The following COL6A3 variants were observed in gnomAD, a reference collection of about 807,000 sequenced individuals.
The protein encoded by COL6A3 is collagen alpha-3(VI) chain.
A neutral mutation model predicts 274.1 loss-of-function variants in COL6A3; 137 were observed. The observed-to-expected ratio is 0.50, with a 90% CI of 0.44 to 0.58. The LOEUF (loss-of-function observed/expected upper bound fraction) is 0.58, where lower values mean the gene tolerates loss of function less well. COL6A3 is among the 20% of genes least tolerant of loss of function. The pLI, the probability that COL6A3 is intolerant of heterozygous loss-of-function variation, is 0.00. For synonymous variants in COL6A3, 1,650 were observed against 1,650.6 expected, an observed-to-expected ratio of 1.00 and a Z score of 0.01; for missense variants, 3,950 against 4,124.9, an observed-to-expected ratio of 0.96 and a Z score of 1.16.
Position 237,365,724 on chromosome 2 carries a change from T to G in COL6A3, c.5812A>C (p.Arg1938=). The change falls in exon 12 of 44, where the codon AGA becomes CGA. Residue 1938 remains arginine, a synonymous_variant. Transcript: ENST00000295550. The part of the protein sequence containing the change: ...DTLKVYLNKF[R]QSSPDSVKVV... Reference sequence around the variant, plus strand: ...TTCACGCTGTCCGGCGAGGACTGTCTGAACTTGTTCAGGTAGACCTTCAGG... The same window carrying G: ...TTCACGCTGTCCGGCGAGGACTGTCGGAACTTGTTCAGGTAGACCTTCAGG... The G allele has an allele frequency of 6.2e-7, 1 of 1,614,208 alleles. No individual in the cohort carries two copies. Among genetic ancestry groups the G allele is most frequent in the South Asian group, 1.1e-5 (1 of 91,084 alleles).
chr2:237,373,811 T>C (rs2077759351), intron 8 of COL6A3, among the ~76,000 whole-genome samples: 1 of 152,202 alleles, frequency 6.6e-6, no homozygotes, highest in African/African-American at 2.4e-5. Flanking sequence ...CACCATTTTT[T>C]AGTTTATTGT....
intron 12 of COL6A3, among the ~76,000 whole-genome samples, 159 bp downstream of exon 12, chr2:237,365,539 C>G (rs1180506974): frequency 1.3e-5 from 2 of 152,192 alleles, no homozygotes; most frequent in East Asian, 3.8e-4. Context: ...GAAGACAGTA[C>G]ATGACATTAG....
At chr2:237,362,178 C>A (rs905329534) in intron 14 of COL6A3, among the ~76,000 whole-genome samples, 7 of 152,178 alleles carry the variant, frequency 4.6e-5, no homozygotes, top group African/African-American at 1.7e-4. Flanking sequence ...GTTCCAGTTC[C>A]AAAGTGCAAA....
Position 237,407,345 on chromosome 2 carries a change from TGGGGTCCTTTGTCACTTACG to T in COL6A3, c.-31+6588_-31+6607del, listed in dbSNP as rs1236659943. ...TAACTAGACCTCCTTTGTCACCTACTGGGGTCCTTTGTCACTTACGGGGGTCCTTGTTAGATATGGAGTAG... is the reference window on the plus strand; with the variant it reads ...TAACTAGACCTCCTTTGTCACCTACTGGGGTCCTTGTTAGATATGGAGTAG... On this transcript the variant is annotated intron_variant, in intron 1 of 43. Coordinates refer to ENST00000295550, the MANE Select transcript of COL6A3 (RefSeq NM_004369.4). The surrounding 1 kb of genome is among the most constrained non-coding windows in gnomAD (Gnocchi z 4.3). 6.6e-6 allele frequency among the ~76,000 whole-genome samples: 1 copy of T among 152,234 alleles called. No homozygotes were observed. The highest frequency in any genetic ancestry group is 2.4e-5 in the African/African-American group (1 of 41,476).
intron 43 of COL6A3, among the ~76,000 whole-genome samples, chr2:237,325,348 T>C (rs923983802): frequency 1.3e-5 from 2 of 152,216 alleles, no homozygotes; most frequent in African/African-American, 2.4e-5. Context: ...TTCTGAAGAA[T>C]GACAAGGGAC....
chr2:237,383,713 A>G (rs544820339), intron 4 of COL6A3, among the ~76,000 whole-genome samples: 1 of 152,272 alleles, frequency 6.6e-6, no homozygotes, highest in South Asian at 2.1e-4. Flanking sequence ...AGATTGTTAT[A>G]TTCTTCTTTA....
chr2:237,393,060 C>T (rs2078333382), intron 3 of COL6A3, among the ~76,000 whole-genome samples: 1 of 152,162 alleles, frequency 6.6e-6, no homozygotes, highest in Non-Finnish European at 1.5e-5. Flanking sequence ...TCATTAGCTC[C>T]CCATGCAGCT....
chr2:237,406,557 G>A (rs1422790561), intron 1 of COL6A3, among the ~76,000 whole-genome samples: 1 of 152,132 alleles, frequency 6.6e-6, no homozygotes, highest in African/African-American at 2.4e-5. Flanking sequence ...GTAAATTTGA[G>A]GCACTCATCC....
chr2:237,332,663 A>G (rs1700322264), intron 42 of COL6A3, among the ~76,000 whole-genome samples: 1 of 152,244 alleles, frequency 6.6e-6, no homozygotes, highest in South Asian at 2.1e-4. Context: ...TCAGGTGTAT[A>G]AAACAGTATT....
intron 31 of COL6A3, 104 bp downstream of exon 31, chr2:237,347,703 G>A (rs2077124329): frequency 8.4e-7 from 1 of 1,197,132 alleles, no homozygotes; most frequent in South Asian, 1.3e-5. Flanking sequence ...TGCTATCCCT[G>A]GCCAGGGTGC....
intron 3 of COL6A3, among the ~76,000 whole-genome samples, chr2:237,392,523 C>T (rs1425147306): frequency 6.6e-6 from 1 of 152,176 alleles, no homozygotes; most frequent in African/African-American, 2.4e-5. Flanking sequence ...GTCACCTCAC[C>T]TCCTACCTCC....
At chr2:237,386,288 T>A (rs1256238749) in intron 4 of COL6A3, among the ~76,000 whole-genome samples, 5 of 152,280 alleles carry the variant, frequency 3.3e-5, no homozygotes, top group Non-Finnish European at 7.3e-5. Flanking sequence ...TAGATAGTGA[T>A]GTTTTTAATT....
At chr2:237,332,374 C>A in intron 42 of COL6A3, among the ~76,000 whole-genome samples, 1 of 151,974 alleles carries the variant, frequency 6.6e-6, no homozygotes, top group Admixed American at 6.5e-5. Flanking sequence ...GAGAAGTTAA[C>A]CAATGAGTGA....
intron 21 of COL6A3, 123 bp downstream of exon 21, chr2:237,358,398 G>C: frequency 1.2e-6 from 1 of 849,646 alleles, no homozygotes; most frequent in South Asian, 1.4e-5. Context: ...AAAAGACAAA[G>C]CACATATTTT....
intron 1 of COL6A3, among the ~76,000 whole-genome samples, chr2:237,410,513 C>T (rs2078831760): frequency 6.6e-6 from 1 of 152,018 alleles, no homozygotes; most frequent in South Asian, 2.1e-4. Context: ...CTATGTTGCC[C>T]AGGCTTGTCT....
chr2:237,334,891 TG>T lies in COL6A3; in HGVS notation c.8966-3del. 6.2e-7 allele frequency: 1 copy of T among 1,614,078 alleles called. No homozygotes were observed. Among genetic ancestry groups the T allele is most frequent in the Non-Finnish European group, 8.5e-7 (1 of 1,180,002 alleles). On this transcript the variant is annotated splice_polypyrimidine_tract_variant and splice_region_variant and intron_variant, in intron 40 of 43. Transcript: ENST00000295550. ...CCTGGACTTCACGGGACATCTTAAC[TG>T]AAAGATAGATCAGAGCGTGAAGATA...
At chr2:237,398,172 G>A (rs536399438) in intron 1 of COL6A3, among the ~76,000 whole-genome samples, 11 of 152,340 alleles carry the variant, frequency 7.2e-5, no homozygotes, top group African/African-American at 2.2e-4. Flanking sequence ...TTTCCTCCAA[G>A]GAAAATCTGC....
chr2:237,357,945 T>A, intron 21 of COL6A3, 63 bp from the exon 22 acceptor site: 1 of 1,471,704 alleles, frequency 6.8e-7, no homozygotes, highest in Non-Finnish European at 9.5e-7. Context: ...GCCACTGGAC[T>A]GGATGGTCAG....
At chr2:237,358,659 A>G (rs1395762368) in intron 20 of COL6A3, 76 bp from the exon 21 acceptor site, 1 of 1,271,410 alleles carries the variant, frequency 7.9e-7, no homozygotes, top group African/African-American at 1.5e-5. Flanking sequence ...CACATTCTTC[A>G]ACTCATAAAT....
Sources: gnomAD v4.1 joint callset for allele counts (sites outside exome capture counted in the v4.1 genomes callset) on GRCh38, gnomAD v4.1.1 for gene constraint, Gnocchi (gnomAD v3.1) non-coding constraint, MANE v1.5 for transcripts, NCBI Gene and HGNC (gene_info 2026-07-23, HGNC 2026-07-21) for gene names.